Variants in RIMKLB observed in about 807,000 individuals in gnomAD.
The protein encoded by RIMKLB is beta-citrylglutamate synthase B.
In RIMKLB, 7 loss-of-function variants were observed where a neutral mutation model predicts 32.0. The observed-to-expected ratio is 0.22, with a 90% confidence interval of 0.12 to 0.41. The LOEUF (loss-of-function observed/expected upper bound fraction) is 0.41, where lower values mean the gene tolerates loss of function less well. Ranked by LOEUF, RIMKLB falls within the 10% of genes least tolerant of loss-of-function variation. The pLI is 1.00. For missense variants in RIMKLB, 289 were observed against 498.7 expected (o/e 0.58, Z 4.00); for synonymous variants, 172 against 185.1 (o/e 0.93, Z 0.57).
At chr12:8,714,929 T>C (rs1944682759) in intron 2 of RIMKLB, among the ~76,000 whole-genome samples, 1 of 152,152 alleles carries the variant, frequency 6.6e-6, no homozygotes, top group Non-Finnish European at 1.5e-5. Flanking sequence ...TCCTCATCAA[T>C]GAAATGGAGA....
intron 2 of RIMKLB, among the ~76,000 whole-genome samples, chr12:8,726,343 T>G (rs916223534): frequency 6.6e-6 from 1 of 152,268 alleles, no homozygotes; most frequent in Non-Finnish European, 1.5e-5. Flanking sequence ...TCTGTATATC[T>G]TCTTTGGTGT....
intron 1 of RIMKLB, among the ~76,000 whole-genome samples, chr12:8,706,444 CT>C (rs1199005342): frequency 2.1e-3 from 197 of 95,200 alleles, no homozygotes; most frequent in South Asian, 3.4e-3. Flanking sequence ...CACGCCTGGA[CT>C]TTTTTTTTTT....
At chr12:8,702,416 A>G (rs911166528) in intron 1 of RIMKLB, among the ~76,000 whole-genome samples, 1 of 152,246 alleles carries the variant, frequency 6.6e-6, no homozygotes, top group Non-Finnish European at 1.5e-5. Flanking sequence ...AAAAGTGTCT[A>G]TATCAAGTTG....
At chr12:8,678,258 C>G (rs1942355880), upstream of RIMKLB, among the ~76,000 whole-genome samples, 2 of 151,704 alleles carry the variant, frequency 1.3e-5, no homozygotes, top group Admixed American at 1.3e-4. Context: ...TCAAGTGATC[C>G]TCGCACGTTG....
chr12:8,741,182 G>A (rs377075906), intron 2 of RIMKLB, among the ~76,000 whole-genome samples: 9 of 151,772 alleles, frequency 5.9e-5, no homozygotes, highest in East Asian at 3.9e-4. Context: ...CTCCAGCCTG[G>A]GCGACAGAGG....
At chr12:8,672,098 C>T in the RIMKLB span, among the ~76,000 whole-genome samples, 2 of 152,182 alleles carry the variant, frequency 1.3e-5, no homozygotes, top group African/African-American at 4.8e-5. Flanking sequence ...TAAAACATAA[C>T]AAGAGTTACC....
intron 1 of RIMKLB, among the ~76,000 whole-genome samples, chr12:8,704,208 C>G (rs1224330689): frequency 6.6e-6 from 1 of 152,022 alleles, no homozygotes; most frequent in African/African-American, 2.4e-5. Flanking sequence ...GTGATGAAAC[C>G]CTGTCTCTAC....
chr12:8,737,085 T>G (rs1947079088), intron 2 of RIMKLB, among the ~76,000 whole-genome samples: 1 of 152,212 alleles, frequency 6.6e-6, no homozygotes. Flanking sequence ...AGTGCTGGTA[T>G]TACAGACGTG....
chr12:8,678,530 G>A (rs1048758309), upstream of RIMKLB, among the ~76,000 whole-genome samples: 2 of 151,870 alleles, frequency 1.3e-5, no homozygotes, highest in Admixed American at 6.6e-5. Flanking sequence ...GTTTCTCCAT[G>A]TTTGTCAGGC....
intron 2 of RIMKLB, among the ~76,000 whole-genome samples, chr12:8,723,804 C>CTTTTTT (rs35269536): frequency 0.012 from 911 of 75,530 alleles, 58 homozygotes; most frequent in African/African-American, 0.034. Context: ...CTTCAGTTCC[C>CTTTTTT]TTTTTTTTTT....
chr12:8,774,256 A>G lies in RIMKLB; in HGVS notation c.*472A>G, dbSNP rs1950601121. ...ATTATACAGCTCTGAAAATTCTGCC[A>G]TTTCCTTATTAACTAGCAGCTTTAG... On this transcript the variant is annotated 3_prime_UTR_variant, in exon 6 of 6. Transcript: ENST00000535829. The G allele has an allele frequency of 1.0e-6, 1 of 978,416 alleles. No homozygotes were observed. The highest frequency in any genetic ancestry group is 1.2e-6 in the Non-Finnish European group (1 of 823,632). The allele number at this position is 978,416 out of a possible 1,614,324, so 60.6% of individuals were successfully genotyped here. A position where few individuals can be genotyped will look rare whatever the true frequency, so the allele number is the denominator to read the frequency against.
chr12:8,731,043 A>G (rs745535512), intron 2 of RIMKLB, among the ~76,000 whole-genome samples: 16 of 145,356 alleles, frequency 1.1e-4, no homozygotes, highest in African/African-American at 2.3e-4. Context: ...CCCGGCCTCA[A>G]TGCAGCTTTC....
chr12:8,696,573 T>G (rs924706036), upstream of RIMKLB, among the ~76,000 whole-genome samples: 6 of 152,202 alleles, frequency 3.9e-5, no homozygotes, highest in Non-Finnish European at 7.3e-5. Context: ...GTGACTATTT[T>G]TATCCTCACT....
intron 3 of RIMKLB, among the ~76,000 whole-genome samples, chr12:8,750,857 T>C (rs11047058): frequency 0.033 from 5,011 of 152,098 alleles, 277 homozygotes; most frequent in African/African-American, 0.11. Flanking sequence ...GCCTTTAATT[T>C]TCTTGTTTGG....
At chr12:8,697,474 G>A (rs1368004166), upstream of RIMKLB, 3 of 153,004 alleles carry the variant, frequency 2.0e-5, no homozygotes, top group African/African-American at 7.2e-5. Flanking sequence ...GGGGGTAGGG[G>A]GCTCGTGTCG....
In RIMKLB at chr12:8,775,025, A is replaced by T. The variant is rs1400485638; in HGVS notation, c.*1241A>T. Reference sequence around the variant, plus strand: ...TGAGTTGTTTTCATAAGTAGACTCCACTGGGGTAGAGGTATTCACCTTAAA... The same window carrying T: ...TGAGTTGTTTTCATAAGTAGACTCCTCTGGGGTAGAGGTATTCACCTTAAA... On this transcript the variant is annotated 3_prime_UTR_variant, in exon 6 of 6. Coordinates refer to ENST00000535829, the MANE Select transcript of RIMKLB (RefSeq NM_001297776.2). 3 of 985,708 alleles carry T rather than the reference A, an allele frequency of 3.0e-6. No homozygotes were observed. Among genetic ancestry groups the T allele is most frequent in the Non-Finnish European group, 3.6e-6 (3 of 829,896 alleles). 61.1% of individuals were successfully genotyped at this position (985,708 alleles called of 1,614,324 possible). A position where few individuals can be genotyped will look rare whatever the true frequency, so the allele number is the denominator to read the frequency against.
chr12:8,713,825 C>T lies in RIMKLB; in HGVS notation c.-42C>T, dbSNP rs1229393373. 1.2e-6 allele frequency: 2 copies of T among 1,605,024 alleles called. No individual in the cohort carries two copies. Among genetic ancestry groups the T allele is most frequent in the African/African-American group, 2.7e-5 (2 of 74,660 alleles). On this transcript the variant is annotated 5_prime_UTR_variant, in exon 2 of 6. Transcript: ENST00000535829. ...CTTCCATCTAGGTAGACGTTACATC[C>T]AAGAGGAAATAATCCAGGCAAGGAA...
upstream of RIMKLB, among the ~76,000 whole-genome samples, chr12:8,677,384 T>A (rs1424643447): frequency 6.6e-6 from 1 of 152,106 alleles, no homozygotes; most frequent in Admixed American, 6.5e-5. Context: ...CCACACCCTT[T>A]ATCACACACA....
Position 8,774,749 on chromosome 12 carries a change from A to C in RIMKLB, c.*965A>C. Reference sequence around the variant, plus strand: ...TTTTGTTTTGGTAGTTGGGCATTTAAATAAGGACAAGGAAAAATATTTTTG... The same window carrying C: ...TTTTGTTTTGGTAGTTGGGCATTTACATAAGGACAAGGAAAAATATTTTTG... On this transcript the variant is annotated 3_prime_UTR_variant, in exon 6 of 6. Transcript: ENST00000535829. The C allele has an allele frequency of 3.0e-6, 3 of 985,722 alleles. No individual in the cohort carries two copies. The highest frequency in any genetic ancestry group is 2.4e-6 in the Non-Finnish European group (2 of 829,878). The allele number at this position is 985,722 out of a possible 1,614,324, so 61.1% of individuals were successfully genotyped here.
Sources: gnomAD v4.1 joint callset for allele counts (sites outside exome capture counted in the v4.1 genomes callset) on GRCh38, gnomAD v4.1.1 for gene constraint, MANE v1.5 for transcripts, NCBI Gene and HGNC (gene_info 2026-07-23, HGNC 2026-07-21) for gene names.